EPHA5: variants seen among roughly 807,000 people sequenced by gnomAD.
EPHA5 encodes EPH receptor A5, also known as ephrin type-A receptor 5.
EPHA5 carries 60 observed loss-of-function variants against 105.0 expected under a neutral mutation model. The observed-to-expected ratio is 0.57, with a 90% CI of 0.46 to 0.71. EPHA5 has a LOEUF of 0.71. Ranked by LOEUF, EPHA5 falls within the 30% of genes least tolerant of loss-of-function variation. EPHA5 has a pLI of 0.00. For missense variants in EPHA5, 1,218 were observed against 1,274.7 expected, an observed-to-expected ratio of 0.96 and a Z score of 0.68; for synonymous variants, 513 against 449.1, an observed-to-expected ratio of 1.14 and a Z score of -1.80.
chr4:65,590,096 T>C (rs1742492504), intron 3 of EPHA5, among the ~76,000 whole-genome samples: 2 of 152,172 alleles, frequency 1.3e-5, no homozygotes, highest in African/African-American at 2.4e-5. Context: ...TGCTAACAAT[T>C]CCATCAAATA....
chr4:65,621,950 C>T (rs1745740242), intron 2 of EPHA5, among the ~76,000 whole-genome samples: 1 of 152,104 alleles, frequency 6.6e-6, no homozygotes, highest in Admixed American at 6.6e-5. Flanking sequence ...GATCAGCACT[C>T]TGAGTTCAAA....
intron 3 of EPHA5, among the ~76,000 whole-genome samples, chr4:65,541,738 G>A (rs1323423628): frequency 6.6e-6 from 1 of 151,784 alleles, no homozygotes; most frequent in Non-Finnish European, 1.5e-5. Context: ...ACTCAGCTTT[G>A]GATTAAGTGG....
At chr4:65,599,753 C>G (rs1034210665) in intron 3 of EPHA5, among the ~76,000 whole-genome samples, 2 of 152,062 alleles carry the variant, frequency 1.3e-5, no homozygotes, top group African/African-American at 4.8e-5. Context: ...AATCCAATGT[C>G]CATCAATTAA....
chr4:65,618,161 G>C (rs1745409991), intron 2 of EPHA5, among the ~76,000 whole-genome samples: 1 of 152,080 alleles, frequency 6.6e-6, no homozygotes, highest in Non-Finnish European at 1.5e-5. Flanking sequence ...ACCAGAGAAG[G>C]AGAACAAGAG....
chr4:65,326,329 C>G (rs1449453722), intron 16 of EPHA5, among the ~76,000 whole-genome samples: 1 of 151,106 alleles, frequency 6.6e-6, no homozygotes, highest in Admixed American at 6.6e-5. Flanking sequence ...TTTAATTTAT[C>G]ATTATTCTAA....
At chr4:65,324,269 C>T (rs771855091) in intron 16 of EPHA5, 50 bp from the exon 17 acceptor site, 36 of 1,297,872 alleles carry the variant, frequency 2.8e-5, no homozygotes, top group Non-Finnish European at 3.7e-5. Flanking sequence ...TTGTAGCACA[C>T]CTCAATATTT....
chr4:65,602,009 T>C lies in EPHA5; in HGVS notation c.542A>G (p.Glu181Gly), dbSNP rs2149439831. ...ACCAAGATCAAGTTCTGTAAAGCTT[T>C]CATCGGCAGCAATGGTATCAATTTT... is the stretch of plus-strand genomic sequence containing the variant. ...YIKIDTIAAD[E>G]SFTELDLGDR... Residue 181 changes from glutamate (E) to glycine (G), a missense_variant, in exon 3 of 17, where the codon GAA (glutamate) becomes GGA (glycine). This residue lies in a region of EPHA5 where 14 missense variants were observed against 33.7 expected (regional missense o/e 0.42). Transcript: ENST00000613740. The C allele has an allele frequency of 1.2e-6, 2 of 1,614,206 alleles. No individual in the cohort carries two copies. The highest frequency in any genetic ancestry group is 1.7e-6 in the Non-Finnish European group (2 of 1,180,036).
chr4:65,421,935 G>A (rs1723985430), intron 5 of EPHA5, among the ~76,000 whole-genome samples: 1 of 152,040 alleles, frequency 6.6e-6, no homozygotes, highest in Non-Finnish European at 1.5e-5. Context: ...ATTAGTTTGG[G>A]ATTTGTGCTT....
chr4:65,375,411 G>A (rs1718898464), intron 8 of EPHA5, among the ~76,000 whole-genome samples: 1 of 151,614 alleles, frequency 6.6e-6, no homozygotes, highest in South Asian at 2.1e-4. Context: ...TTACTGGTGT[G>A]TTCTTTATAA....
In EPHA5 at chr4:65,602,313, T is replaced by A. The variant is rs2149442392; in HGVS notation, c.247-9A>T. On this transcript the variant is annotated splice_polypyrimidine_tract_variant and intron_variant, in intron 2 of 16. Coordinates refer to ENST00000613740, the MANE Select transcript of EPHA5 (RefSeq NM_001281766.3). Reference sequence around the variant, plus strand: ...TCACCAATCTCTTCCCACTGTACAATATAAAATAGAAAGATAAAAAAAATT... The same window carrying A: ...TCACCAATCTCTTCCCACTGTACAAAATAAAATAGAAAGATAAAAAAAATT... 6.8e-7 allele frequency: 1 copy of A among 1,480,882 alleles called. No individual in the cohort carries two copies. Among genetic ancestry groups the A allele is most frequent in the Non-Finnish European group, 8.9e-7 (1 of 1,123,882 alleles). The allele number at this position is 1,480,882 out of a possible 1,614,324, so 91.7% of individuals were successfully genotyped here. A position where few individuals can be genotyped will look rare whatever the true frequency, so the allele number is the denominator to read the frequency against.
intron 8 of EPHA5, chr4:65,376,954 T>C (rs1041945403): frequency 3.3e-6 from 5 of 1,534,994 alleles, no homozygotes; most frequent in African/African-American, 2.7e-5. Flanking sequence ...GTAATACATA[T>C]AGGTGGACAT....
intron 3 of EPHA5, among the ~76,000 whole-genome samples, chr4:65,496,712 A>C (rs1390873811): frequency 2.0e-5 from 3 of 151,998 alleles, no homozygotes; most frequent in Non-Finnish European, 4.4e-5. Flanking sequence ...GTCTTTAGAG[A>C]AGCATGATTT....
chr4:65,406,003 C>T (rs575270459), intron 7 of EPHA5, among the ~76,000 whole-genome samples: 1 of 152,166 alleles, frequency 6.6e-6, no homozygotes, highest in African/African-American at 2.4e-5. Flanking sequence ...TGCTTGAATG[C>T]CTTAATTCTC....
intron 5 of EPHA5, among the ~76,000 whole-genome samples, chr4:65,439,918 A>G (rs1725852568): frequency 6.6e-6 from 1 of 152,100 alleles, no homozygotes; most frequent in Non-Finnish European, 1.5e-5. Flanking sequence ...ATGAAAGATT[A>G]TGTCATGTTT....
At chr4:65,624,663 A>G (rs1231814333) in intron 2 of EPHA5, among the ~76,000 whole-genome samples, 1 of 152,208 alleles carries the variant, frequency 6.6e-6, no homozygotes, top group Non-Finnish European at 1.5e-5. Flanking sequence ...CTCTGACTGA[A>G]TGTTACAAAA....
At chr4:65,565,004 T>G (rs1278134210) in intron 3 of EPHA5, among the ~76,000 whole-genome samples, 1 of 151,726 alleles carries the variant, frequency 6.6e-6, no homozygotes, top group African/African-American at 2.4e-5. Context: ...ACATACAATC[T>G]ATTAATAAAT....
At chr4:65,440,629 T>G (rs534717197) in intron 5 of EPHA5, among the ~76,000 whole-genome samples, 2 of 152,144 alleles carry the variant, frequency 1.3e-5, no homozygotes, top group South Asian at 4.1e-4. Flanking sequence ...AAGCTAATTT[T>G]TTTGTAGCAT....
chr4:65,488,821 T>C (rs141700328), intron 5 of EPHA5, among the ~76,000 whole-genome samples: 219 of 152,066 alleles, frequency 1.4e-3, no homozygotes, highest in Non-Finnish European at 2.5e-3. Flanking sequence ...CTGGGCTAAT[T>C]TTGAATGTTT....
intron 14 of EPHA5, among the ~76,000 whole-genome samples, chr4:65,345,153 G>A (rs892151717): frequency 6.6e-6 from 1 of 151,950 alleles, no homozygotes; most frequent in Non-Finnish European, 1.5e-5. Flanking sequence ...TCATAGTCCC[G>A]CCCCTAAAAT....
Sources: gnomAD v4.1 joint callset for allele counts (sites outside exome capture counted in the v4.1 genomes callset) on GRCh38, gnomAD v4.1.1 for gene constraint, gnomAD v4.1.1 regional missense constraint, MANE v1.5 for transcripts, NCBI Gene and HGNC (gene_info 2026-07-23, HGNC 2026-07-21) for gene names.